TSHZ3: variants seen among roughly 807,000 people sequenced by gnomAD.
The protein encoded by TSHZ3 is teashirt zinc finger homeobox 3.
Under a neutral mutation model 64.5 loss-of-function variants are expected in TSHZ3, and 10 were observed. That is an observed-to-expected ratio of 0.16 (90% CI 0.10 to 0.26). The LOEUF (loss-of-function observed/expected upper bound fraction) is 0.26, where lower values mean the gene tolerates loss of function less well. TSHZ3 is among the 10% of genes least tolerant of loss of function. TSHZ3 has a pLI of 1.00. For synonymous variants in TSHZ3, 608 were observed against 593.1 expected (o/e 1.03, Z -0.36); for missense variants, 1,242 against 1,421.7 (o/e 0.87, Z 2.03).
rs544080632 is a variant in TSHZ3 at position 31,338,299 on chromosome 19, G to A, written c.40+10881C>T. Among the ~76,000 whole-genome samples, 11 of 152,310 alleles carry A rather than the reference G, an allele frequency of 7.2e-5. No individual in the cohort carries two copies. The East Asian group carries it at 1.9e-3, about 27-fold the overall frequency. On this transcript the variant is annotated intron_variant, in intron 1 of 1. Transcript: ENST00000240587. ...AGCTCAAGGGTGCAAACCCAGAAGC[G>A]ATTAACTGGCAGGGCTTGGGAACAG...
chr19:31,327,654 C>T (rs1202478813), intron 1 of TSHZ3, among the ~76,000 whole-genome samples: 2 of 152,102 alleles, frequency 1.3e-5, no homozygotes, highest in South Asian at 4.1e-4. Context: ...ACACAATACA[C>T]GTATACACGC....
At chr19:31,181,472 C>T (rs1238275636) in intron 5 of TSHZ3, among the ~76,000 whole-genome samples, 1 of 152,170 alleles carries the variant, frequency 6.6e-6, no homozygotes, top group Non-Finnish European at 1.5e-5. Context: ...AATCCCTCTG[C>T]AGTAGCAGTG....
At chr19:31,245,738 C>G (rs1975750988) in intron 1 of TSHZ3, among the ~76,000 whole-genome samples, 1 of 152,154 alleles carries the variant, frequency 6.6e-6, no homozygotes, top group Non-Finnish European at 1.5e-5. Context: ...GTTGCAGTCT[C>G]AAGAGTGCAT....
intron 1 of TSHZ3, among the ~76,000 whole-genome samples, chr19:31,331,508 G>A (rs117590834): frequency 4.6e-5 from 7 of 152,248 alleles, no homozygotes; most frequent in Non-Finnish European, 8.8e-5. Flanking sequence ...AGATGTGGCC[G>A]AAATGTGCCC....
intron 5 of TSHZ3, among the ~76,000 whole-genome samples, chr19:31,163,360 A>C (rs1268238241): frequency 6.6e-6 from 1 of 152,228 alleles, no homozygotes; most frequent in African/African-American, 2.4e-5. Flanking sequence ...TTTAGAACTC[A>C]GATTTATTCT....
chr19:31,187,747 G>T (rs1320477707), intron 5 of TSHZ3, among the ~76,000 whole-genome samples: 3 of 151,988 alleles, frequency 2.0e-5, no homozygotes, highest in Non-Finnish European at 4.4e-5. Flanking sequence ...TCAGTTGTGT[G>T]AATTTATTTC....
chr19:31,290,268 T>C (rs1027553121), intron 1 of TSHZ3, among the ~76,000 whole-genome samples: 1 of 151,768 alleles, frequency 6.6e-6, no homozygotes, highest in Non-Finnish European at 1.5e-5. Flanking sequence ...CCAAACACAT[T>C]CCCCCTGGCC....
intron 1 of TSHZ3, among the ~76,000 whole-genome samples, chr19:31,336,736 T>G (rs893505467): frequency 6.6e-6 from 1 of 152,090 alleles, no homozygotes; most frequent in African/African-American, 2.4e-5. Context: ...AGTGGATACC[T>G]GAAGACCCCA....
At chr19:31,189,474 T>C (rs1413937274) in intron 5 of TSHZ3, among the ~76,000 whole-genome samples, 1 of 151,968 alleles carries the variant, frequency 6.6e-6, no homozygotes, top group East Asian at 1.9e-4. Context: ...TCATTTCCCA[T>C]GGTGATTTTT....
chr19:31,168,701 C>T (rs1974491863), intron 5 of TSHZ3, among the ~76,000 whole-genome samples: 1 of 152,184 alleles, frequency 6.6e-6, no homozygotes, highest in Non-Finnish European at 1.5e-5. Context: ...CACCACTTAA[C>T]AAAGAAAAGC....
At chr19:31,220,162 A>G (rs1404631177) in intron 4 of TSHZ3, among the ~76,000 whole-genome samples, 1 of 152,372 alleles carries the variant, frequency 6.6e-6, no homozygotes, top group African/African-American at 2.4e-5. Flanking sequence ...AACTATAACT[A>G]TGCCACATTG....
intron 1 of TSHZ3, among the ~76,000 whole-genome samples, chr19:31,342,193 A>C (rs1023676650): frequency 4.6e-5 from 7 of 152,254 alleles, no homozygotes; most frequent in South Asian, 4.1e-4. Context: ...TACATAATGC[A>C]TTAGAGGTAA....
At chr19:31,333,641 C>T (rs917564969) in intron 1 of TSHZ3, among the ~76,000 whole-genome samples, 1 of 152,052 alleles carries the variant, frequency 6.6e-6, no homozygotes, top group Non-Finnish European at 1.5e-5. Flanking sequence ...GTCACTCCAA[C>T]CTGAGCTCTT....
downstream of TSHZ3, among the ~76,000 whole-genome samples, chr19:31,271,675 C>T (rs987964871): frequency 1.3e-5 from 2 of 152,192 alleles, no homozygotes; most frequent in Non-Finnish European, 2.9e-5. Flanking sequence ...TTTCTGAGGT[C>T]AGCTGAATGC....
chr19:31,348,320 C>T (rs1230030829), intron 1 of TSHZ3, among the ~76,000 whole-genome samples: 1 of 152,150 alleles, frequency 6.6e-6, no homozygotes, highest in African/African-American at 2.4e-5. Flanking sequence ...AACCCTTCTT[C>T]CAGGCAACAT....
chr19:31,257,068 G>A (rs966451044), intron 1 of TSHZ3, among the ~76,000 whole-genome samples: 3 of 152,148 alleles, frequency 2.0e-5, no homozygotes, highest in South Asian at 2.1e-4. Context: ...AGTGCTCCAG[G>A]GCGGGTGCTC....
chr19:31,200,250 GA>G (rs35031950), intron 5 of TSHZ3, among the ~76,000 whole-genome samples: 26 of 147,224 alleles, frequency 1.8e-4, no homozygotes, highest in South Asian at 6.5e-4. Context: ...ACTTATGTCT[GA>G]AAAAAAAAAC....
intron 4 of TSHZ3, among the ~76,000 whole-genome samples, chr19:31,218,509 T>G (rs1485819470): frequency 6.6e-6 from 1 of 152,192 alleles, no homozygotes; most frequent in East Asian, 1.9e-4. Context: ...CTTATAAAAC[T>G]AAATATACTC....
intron 5 of TSHZ3, among the ~76,000 whole-genome samples, chr19:31,192,910 C>A (rs1974931992): frequency 7.2e-5 from 11 of 152,176 alleles, no homozygotes; most frequent in Admixed American, 7.2e-4. Context: ...AAACCAAAGC[C>A]AGGGAGATGC....
Sources: allele counts gnomAD v4.1 joint callset (sites outside exome capture counted in the v4.1 genomes callset), GRCh38; gene constraint gnomAD v4.1.1; transcripts MANE v1.5; gene names NCBI Gene and HGNC (gene_info 2026-07-23, HGNC 2026-07-21).